The following LNPEP variants were observed in gnomAD, a reference collection of about 807,000 sequenced individuals.
The protein encoded by LNPEP is leucyl and cystinyl aminopeptidase.
In LNPEP, 64 loss-of-function variants were observed where a neutral mutation model predicts 120.6. The observed-to-expected ratio is 0.53, with a 90% CI of 0.43 to 0.65. The LOEUF is 0.65. Among genes scored for constraint, LNPEP ranks in the 30% least tolerant of loss-of-function variants. LNPEP has a pLI of 0.00. For synonymous variants in LNPEP, 435 were observed against 425.4 expected (o/e 1.02, Z -0.28); for missense variants, 1,057 against 1,200.0 (o/e 0.88, Z 1.76).
chr5:96,939,450 G>T (rs2617439), intron 1 of LNPEP, among the ~76,000 whole-genome samples: 4 of 151,590 alleles, frequency 2.6e-5, no homozygotes, highest in Non-Finnish European at 5.9e-5. Flanking sequence ...CAAGTGATCC[G>T]CTCACCTTAG....
At chr5:97,015,860 T>C (rs1437023946) in intron 13 of LNPEP, among the ~76,000 whole-genome samples, 1 of 152,112 alleles carries the variant, frequency 6.6e-6, no homozygotes, top group Non-Finnish European at 1.5e-5. Context: ...GGTATTCTCA[T>C]TGGTGAAAGG....
At position 96,972,820 on chromosome 5, in the gene LNPEP, C is replaced by T. The variant is rs115520917; in HGVS notation, c.20-6318C>T. On this transcript the variant is annotated intron_variant, in intron 1 of 17. Transcript: ENST00000231368. ...TATGCTCATGGACTGAATCATTGCTCGCTGATCTTCTCGCCTCCCACCCTC... is the reference window on the plus strand; with the variant it reads ...TATGCTCATGGACTGAATCATTGCTTGCTGATCTTCTCGCCTCCCACCCTC... Among the ~76,000 whole-genome samples the T allele has an allele frequency of 4.1e-3, 621 of 152,166 alleles. 6 individuals are homozygous for T. The highest frequency in any genetic ancestry group is 0.014 in the African/African-American group (582 of 41,510).
chr5:97,024,847 C>A (rs1224458658), intron 15 of LNPEP, among the ~76,000 whole-genome samples, 165 bp downstream of exon 15: 1 of 152,114 alleles, frequency 6.6e-6, no homozygotes, highest in African/African-American at 2.4e-5. Flanking sequence ...TGGGCTTTAT[C>A]TTTATGGACA....
chr5:96,981,484 A>G (rs1316859778), intron 2 of LNPEP, among the ~76,000 whole-genome samples: 4 of 152,148 alleles, frequency 2.6e-5, no homozygotes, highest in Non-Finnish European at 5.9e-5. Flanking sequence ...CCACAACTCA[A>G]TCCAGCCCAT....
intron 1 of LNPEP, among the ~76,000 whole-genome samples, chr5:96,940,442 T>TAA (rs945513961): frequency 2.1e-5 from 3 of 142,054 alleles, no homozygotes; most frequent in African/African-American, 2.6e-5. Flanking sequence ...ACAGTTACAT[T>TAA]AAAAAAAAAA....
In LNPEP at chr5:96,985,107, C is replaced by G. The variant is rs1279099125; in HGVS notation, c.888C>G (p.Pro296=). The change falls in exon 3 of 18, where the codon CCC becomes CCG. Residue 296 remains proline (P), a synonymous_variant. Coordinates refer to ENST00000231368, the MANE Select transcript of LNPEP (RefSeq NM_005575.3). ...KKYFAATQFE[P]LAARSAFPCF... ...ACTTTGCAGCAACTCAGTTTGAACC[C>G]CTGGCAGCAAGATCTGCTTTTCCTT... 1 of 1,613,928 alleles carries G rather than the reference C, an allele frequency of 6.2e-7. No individual in the cohort carries two copies. Among genetic ancestry groups the G allele is most frequent in the South Asian group, 1.1e-5 (1 of 91,068 alleles).
rs1337662009 is a variant in LNPEP at position 97,032,789 on chromosome 5, G to C, written c.*4256G>C. The stretch of plus-strand genomic sequence containing the variant: ...AACGCGGTGGTCCAAAAGCATGACA[G>C]ATGTCCCCTTTGCGTTTCTCCTTAT... On this transcript the variant is annotated 3_prime_UTR_variant, in exon 18 of 18. Coordinates refer to ENST00000231368, the MANE Select transcript of LNPEP (RefSeq NM_005575.3). 6.6e-6 allele frequency: 1 copy of C among 152,096 alleles called. No individual in the cohort carries two copies. The highest frequency in any genetic ancestry group is 2.1e-4 in the South Asian group (1 of 4,826). The allele number at this position is 152,096 out of a possible 1,614,324, so 9.4% of individuals were successfully genotyped here. A position where few individuals can be genotyped will look rare whatever the true frequency, so the allele number is the denominator to read the frequency against.
Position 97,024,400 on chromosome 5 carries a change from G to C in LNPEP, c.2562-121G>C, listed in dbSNP as rs1791288648. The C allele has an allele frequency of 7.6e-5, 65 of 850,508 alleles. No homozygotes were observed. The South Asian group carries it at 1.1e-3, about 14-fold the overall frequency. The allele number at this position is 850,508 out of a possible 1,614,324, so 52.7% of individuals were successfully genotyped here. On this transcript the variant is annotated intron_variant, in intron 14 of 17. Coordinates refer to ENST00000231368, the MANE Select transcript of LNPEP (RefSeq NM_005575.3). Reference sequence around the variant, plus strand: ...TTAAACTTTTTCTCAACCCTAAATTGTGTACTCAAACTTGTTATTATTACC... The same window carrying C: ...TTAAACTTTTTCTCAACCCTAAATTCTGTACTCAAACTTGTTATTATTACC...
intron 1 of LNPEP, among the ~76,000 whole-genome samples, chr5:96,964,047 C>G (rs1789667622): frequency 6.6e-6 from 1 of 152,050 alleles, no homozygotes; most frequent in Admixed American, 6.6e-5. Context: ...CATCTTCTCC[C>G]TTGTCCCCTC....
intron 1 of LNPEP, among the ~76,000 whole-genome samples, chr5:96,950,795 A>G (rs1789301094): frequency 6.6e-6 from 1 of 152,218 alleles, no homozygotes; most frequent in Non-Finnish European, 1.5e-5. Context: ...TGTGTGCGGT[A>G]CTATGAATAC....
chr5:96,956,869 G>C (rs571056849), intron 1 of LNPEP, among the ~76,000 whole-genome samples: 1 of 151,936 alleles, frequency 6.6e-6, no homozygotes, highest in Non-Finnish European at 1.5e-5. Flanking sequence ...AATCATTTCT[G>C]TTAATCTTTA....
chr5:96,986,173 G>A (rs1790238674), intron 3 of LNPEP, among the ~76,000 whole-genome samples: 1 of 152,152 alleles, frequency 6.6e-6, no homozygotes, highest in South Asian at 2.1e-4. Flanking sequence ...AGCTCCTTCT[G>A]TGGATGTATT....
rs1791529614 is a variant in LNPEP, at chr5:97,034,313, A to C, written c.*5780A>C. 6.6e-6 allele frequency: 1 copy of C among 151,940 alleles called. No homozygotes were observed. The highest frequency in any genetic ancestry group is 1.5e-5 in the Non-Finnish European group (1 of 67,972). 9.4% of individuals were successfully genotyped at this position (151,940 alleles called of 1,614,324 possible). On this transcript the variant is annotated 3_prime_UTR_variant, in exon 18 of 18. Transcript: ENST00000231368. Reference sequence around the variant, plus strand: ...AGGTACGTAATGAAAATTGAGGTTCATTCTATGAAAAAATCTCCCCTTCTC... The same window carrying C: ...AGGTACGTAATGAAAATTGAGGTTCCTTCTATGAAAAAATCTCCCCTTCTC...
intron 1 of LNPEP, among the ~76,000 whole-genome samples, chr5:96,977,592 C>T (rs1320023925): frequency 6.6e-6 from 1 of 152,090 alleles, no homozygotes; most frequent in Non-Finnish European, 1.5e-5. Context: ...TTCTAACAAG[C>T]TGCAATGTGA....
intron 1 of LNPEP, chr5:96,958,383 C>A: frequency 4.6e-6 from 3 of 654,554 alleles, no homozygotes; most frequent in Non-Finnish European, 5.7e-6. Context: ...ATCTATTTTG[C>A]AAGTTAATTG....
At chr5:96,981,180 A>T (rs1465270337) in intron 2 of LNPEP, among the ~76,000 whole-genome samples, 1 of 152,202 alleles carries the variant, frequency 6.6e-6, no homozygotes, top group Non-Finnish European at 1.5e-5. Flanking sequence ...TACCTCAGAG[A>T]AGAAAAATTT....
At position 97,034,414 on chromosome 5, in the gene LNPEP, T is replaced by TG. The variant is rs1561460235; in HGVS notation, c.*5881_*5882insG. 7.5e-6 allele frequency: 1 copy of TG among 133,776 alleles called. No individual in the cohort carries two copies. The highest frequency in any genetic ancestry group is 3.4e-5 in the African/African-American group (1 of 29,768). 8.3% of individuals were successfully genotyped at this position (133,776 alleles called of 1,614,324 possible). Reference sequence around the variant, plus strand: ...GGGATTTTGTTTTTTTGTTTTTTTGTTTTTTTTTTGGTAGGGGAGGTGGGG... The same window carrying TG: ...GGGATTTTGTTTTTTTGTTTTTTTGTGTTTTTTTTTGGTAGGGGAGGTGGGG... On this transcript the variant is annotated 3_prime_UTR_variant, in exon 18 of 18. Transcript: ENST00000231368.
chr5:96,984,457 G>C (rs1053441943), intron 2 of LNPEP, among the ~76,000 whole-genome samples: 1 of 152,130 alleles, frequency 6.6e-6, no homozygotes, highest in Non-Finnish European at 1.5e-5. Flanking sequence ...ACGGAGGTTT[G>C]GGGAGTTCCT....
chr5:96,949,313 C>A (rs1354240571), intron 1 of LNPEP, among the ~76,000 whole-genome samples: 2 of 152,196 alleles, frequency 1.3e-5, no homozygotes, highest in African/African-American at 4.8e-5. Flanking sequence ...GCCTGGGCGC[C>A]TCTCCTGTCA....
Sources: gnomAD v4.1 joint callset for allele counts (sites outside exome capture counted in the v4.1 genomes callset) on GRCh38, gnomAD v4.1.1 for gene constraint, MANE v1.5 for transcripts, NCBI Gene and HGNC (gene_info 2026-07-23, HGNC 2026-07-21) for gene names.